The following TNFRSF11B variants were observed in gnomAD, a reference collection of about 807,000 sequenced individuals.
The protein encoded by TNFRSF11B is TNF receptor superfamily member 11b.
A neutral mutation model predicts 43.4 loss-of-function variants in TNFRSF11B; 16 were observed. The ratio of observed to expected loss-of-function variants is 0.37; its 90% CI spans 0.25 to 0.56. TNFRSF11B has a LOEUF of 0.56. Among genes scored for constraint, TNFRSF11B ranks in the 20% least tolerant of loss-of-function variants. TNFRSF11B has a pLI of 0.80. For synonymous variants in TNFRSF11B, 185 were observed against 181.8 expected (o/e 1.02, Z -0.14); for missense variants, 444 against 490.1 (o/e 0.91, Z 0.89).
Position 118,926,690 on chromosome 8 carries a change from G to A in TNFRSF11B, c.621C>T (p.Phe207=), listed in dbSNP as rs376708982. 1.6e-4 allele frequency: 258 copies of A among 1,613,854 alleles called. 1 individual carries two copies. Among genetic ancestry groups the A allele is most frequent in the Non-Finnish European group, 2.0e-4 (237 of 1,179,938 alleles). Residue 207 remains phenylalanine (F), a synonymous_variant, in exon 4 of 5, where the codon TTC becomes TTT. Transcript: ENST00000297350. ...IDVTLCEEAF[F]RFAVPTKFTP... is the part of the protein sequence containing the mutation. ...TAAACTTTGTAGGAACAGCAAACCTGAAGAATGCCTCCTCACACAGGGTAA... is the reference window on the plus strand; with the variant it reads ...TAAACTTTGTAGGAACAGCAAACCTAAAGAATGCCTCCTCACACAGGGTAA...
At chr8:118,932,590 A>C (rs1723820969) in intron 2 of TNFRSF11B, among the ~76,000 whole-genome samples, 1 of 151,986 alleles carries the variant, frequency 6.6e-6, no homozygotes, top group African/African-American at 2.4e-5. Flanking sequence ...TGCAGTTTGA[A>C]GGTGTCCATG....
In TNFRSF11B at chr8:118,924,373, G is replaced by T; in HGVS notation, c.*1C>A. On this transcript the variant is annotated 3_prime_UTR_variant, in exon 5 of 5. Coordinates refer to ENST00000297350, the MANE Select transcript of TNFRSF11B (RefSeq NM_002546.4). The stretch of plus-strand genomic sequence containing the variant: ...GGAAACAGCTCAATGGCCATTTCCA[G>T]TTATAAGCAGCTTATTTTTACTGAT... The T allele has an allele frequency of 6.2e-7, 1 of 1,614,052 alleles. No individual in the cohort carries two copies. The highest frequency in any genetic ancestry group is 8.5e-7 in the Non-Finnish European group (1 of 1,179,988).
At chr8:118,929,492 T>G (rs887322160) in intron 2 of TNFRSF11B, among the ~76,000 whole-genome samples, 1 of 152,254 alleles carries the variant, frequency 6.6e-6, no homozygotes, top group Admixed American at 6.5e-5. Flanking sequence ...GGCAATAAAG[T>G]TGGCCGCTGA....
Position 118,924,891 on chromosome 8 carries a change from T to C in TNFRSF11B, c.818-129A>G. On this transcript the variant is annotated intron_variant, in intron 4 of 4. Coordinates refer to ENST00000297350, the MANE Select transcript of TNFRSF11B (RefSeq NM_002546.4). ...TATATTTCAATGATAACCTTTTCTT[T>C]TGAGAGGGAGTTAAGTGACACCATT... 3.4e-6 allele frequency: 4 copies of C among 1,182,316 alleles called. No homozygotes were observed. In the South Asian group the frequency reaches 5.3e-5, roughly 16 times the overall value. The allele number at this position is 1,182,316 out of a possible 1,614,324, so 73.2% of individuals were successfully genotyped here.
intron 1 of TNFRSF11B, among the ~76,000 whole-genome samples, chr8:118,948,793 A>AAAC (rs924157407): frequency 6.8e-5 from 2 of 29,596 alleles, no homozygotes; most frequent in African/African-American, 7.5e-4. Flanking sequence ...ACAAACAAAC[A>AAAC]AAAAAAAACT....
intron 1 of TNFRSF11B, among the ~76,000 whole-genome samples, chr8:118,948,227 T>G (rs1343896156): frequency 6.6e-6 from 1 of 152,160 alleles, no homozygotes; most frequent in Non-Finnish European, 1.5e-5. Context: ...AAGGCTTTAA[T>G]GCAAACAAAT....
intron 1 of TNFRSF11B, 107 bp from the exon 2 acceptor site, chr8:118,933,407 A>G: frequency 6.5e-7 from 1 of 1,538,654 alleles, no homozygotes; most frequent in Non-Finnish European, 8.8e-7. Flanking sequence ...CTTAAGCCTA[A>G]TGAGATTTGC....
At chr8:118,928,972 G>T (rs775854312) in intron 2 of TNFRSF11B, 43 bp from the exon 3 acceptor site, 1 of 1,591,828 alleles carries the variant, frequency 6.3e-7, no homozygotes. Context: ...TCCTCAAATC[G>T]TTTCCCAGCA....
intron 1 of TNFRSF11B, among the ~76,000 whole-genome samples, chr8:118,949,602 A>G (rs1490638569): frequency 6.6e-6 from 1 of 152,244 alleles, no homozygotes; most frequent in Non-Finnish European, 1.5e-5. Flanking sequence ...ACACTGCACT[A>G]GCAGCTTCCC....
rs11573817 is a variant in TNFRSF11B, at chr8:118,949,504, A to G, written c.30+2288T>C. Among the ~76,000 whole-genome samples the G allele has an allele frequency of 1.6e-3, 238 of 152,312 alleles. 1 individual carries two copies. Among genetic ancestry groups the G allele is most frequent in the Non-Finnish European group, 2.8e-3 (193 of 68,028 alleles). On this transcript the variant is annotated intron_variant, in intron 1 of 4. Coordinates refer to ENST00000297350, the MANE Select transcript of TNFRSF11B (RefSeq NM_002546.4). ...TATCATTATTATCATTTTATAGAAG[A>G]CAAAACTAAAACTCAAGAAGTAACT...
At chr8:118,950,762 T>G (rs1190050552) in intron 1 of TNFRSF11B, among the ~76,000 whole-genome samples, 1 of 152,212 alleles carries the variant, frequency 6.6e-6, no homozygotes, top group Non-Finnish European at 1.5e-5. Context: ...TACCTGTTCT[T>G]TAGTGTCTTT....
intron 3 of TNFRSF11B, among the ~76,000 whole-genome samples, chr8:118,927,316 G>T (rs1313698516): frequency 6.6e-6 from 1 of 152,092 alleles, no homozygotes; most frequent in Non-Finnish European, 1.5e-5. Context: ...CCAGAAAATG[G>T]GAGTAATGGG....
At chr8:118,944,156 A>G (rs1219357012) in intron 1 of TNFRSF11B, among the ~76,000 whole-genome samples, 2 of 152,170 alleles carry the variant, frequency 1.3e-5, no homozygotes, top group African/African-American at 4.8e-5. Context: ...TGTCATGCCA[A>G]TAAACAACTT....
Position 118,951,825 on chromosome 8 carries a change from G to T in TNFRSF11B, c.-4C>A, listed in dbSNP as rs1432377020. ...CGCAGCACAGCAAGTTGTTCATTGT[G>T]GTCCCCGGAAACCTCAGGGGCTTGG... On this transcript the variant is annotated 5_prime_UTR_variant, in exon 1 of 5. Transcript: ENST00000297350. The T allele has an allele frequency of 2.5e-6, 4 of 1,589,642 alleles. No homozygotes were observed. The highest frequency in any genetic ancestry group is 3.4e-6 in the Non-Finnish European group (4 of 1,168,068).
At chr8:118,945,592 T>A (rs1812550188) in intron 1 of TNFRSF11B, among the ~76,000 whole-genome samples, 1 of 152,264 alleles carries the variant, frequency 6.6e-6, no homozygotes, top group Non-Finnish European at 1.5e-5. Flanking sequence ...CACAACTGAA[T>A]TGTTAAATTA....
chr8:118,943,230 A>T lies in TNFRSF11B; in HGVS notation c.30+8562T>A, dbSNP rs181393647. ...GGATTGTACTTTCTAAAAGGTACTA[A>T]AACAGAAAGTTTTTTGTTTTATGTT... On this transcript the variant is annotated intron_variant, in intron 1 of 4. Transcript: ENST00000297350. Among the ~76,000 whole-genome samples the T allele has an allele frequency of 3.3e-5, 5 of 152,266 alleles. No homozygotes were observed. The East Asian group carries it at 7.7e-4, about 23-fold the overall frequency.
At chr8:118,946,890 C>T (rs952319048) in intron 1 of TNFRSF11B, among the ~76,000 whole-genome samples, 2 of 152,134 alleles carry the variant, frequency 1.3e-5, no homozygotes, top group African/African-American at 4.8e-5. Flanking sequence ...CAAAAATGAA[C>T]ACTTGATGTC....
intron 1 of TNFRSF11B, among the ~76,000 whole-genome samples, chr8:118,949,909 A>C (rs1812616954): frequency 2.6e-5 from 4 of 152,216 alleles, no homozygotes; most frequent in Admixed American, 1.3e-4. Flanking sequence ...GTCCATTTGC[A>C]ATCATTTTCA....
At chr8:118,932,673 A>C (rs1361267370) in intron 2 of TNFRSF11B, among the ~76,000 whole-genome samples, 2 of 151,780 alleles carry the variant, frequency 1.3e-5, no homozygotes, top group Admixed American at 1.3e-4. Context: ...AAAAAAAAAA[A>C]AAACCATCAT....
Sources: gnomAD v4.1 joint callset for allele counts (sites outside exome capture counted in the v4.1 genomes callset) on GRCh38, gnomAD v4.1.1 for gene constraint, MANE v1.5 for transcripts, NCBI Gene and HGNC (gene_info 2026-07-23, HGNC 2026-07-21) for gene names.